Variants in NELL1 observed in about 807,000 individuals in gnomAD.
NELL1 encodes the protein protein kinase C-binding protein NELL1.
A neutral mutation model predicts 107.4 loss-of-function variants in NELL1; 76 were observed. That is an observed-to-expected ratio of 0.71 (90% CI 0.59 to 0.86). The LOEUF is 0.86. NELL1 is among the 40% of genes least tolerant of loss of function. The pLI is 0.00. For missense variants in NELL1, 1,024 were observed against 1,005.5 expected, an observed-to-expected ratio of 1.02 and a Z score of -0.25; for synonymous variants, 353 against 341.2, an observed-to-expected ratio of 1.03 and a Z score of -0.38.
chr11:21,535,610 G>A (rs1311005123), intron 16 of NELL1, among the ~76,000 whole-genome samples: 1 of 152,092 alleles, frequency 6.6e-6, no homozygotes, highest in Non-Finnish European at 1.5e-5. Context: ...ATGGACTTTT[G>A]GACCAGATGT....
intron 15 of NELL1, among the ~76,000 whole-genome samples, chr11:21,510,472 T>C (rs1021923422): frequency 1.3e-5 from 2 of 152,158 alleles, no homozygotes; most frequent in African/African-American, 4.8e-5. Context: ...CTTTCCTCTC[T>C]CATGCATTCT....
At chr11:21,517,724 A>C (rs1855603421) in intron 15 of NELL1, among the ~76,000 whole-genome samples, 1 of 152,194 alleles carries the variant, frequency 6.6e-6, no homozygotes, top group Non-Finnish European at 1.5e-5. Context: ...ATATACAGCA[A>C]ATGGTCATGG....
chr11:21,276,285 C>A (rs1034094453), intron 14 of NELL1, among the ~76,000 whole-genome samples: 2 of 152,152 alleles, frequency 1.3e-5, no homozygotes, highest in Non-Finnish European at 2.9e-5. Context: ...CATGAGTGAA[C>A]TCCCATTCAC....
At chr11:20,992,756 C>T (rs1414619028) in intron 12 of NELL1, among the ~76,000 whole-genome samples, 4 of 136,610 alleles carry the variant, frequency 2.9e-5, no homozygotes, top group African/African-American at 8.3e-5. Context: ...CTCCTGTTAC[C>T]GAGGCTGGAG....
At chr11:20,862,604 G>A (rs1252790650) in intron 4 of NELL1, among the ~76,000 whole-genome samples, 1 of 53,668 alleles carries the variant, frequency 1.9e-5, no homozygotes, top group African/African-American at 5.4e-5. Context: ...TTGAGCTGCT[G>A]CTTTTTTTTT....
chr11:20,696,844 GA>G (rs1297218217), intron 2 of NELL1, among the ~76,000 whole-genome samples: 3 of 152,144 alleles, frequency 2.0e-5, no homozygotes, highest in African/African-American at 7.2e-5. Flanking sequence ...CACGTGGTTG[GA>G]GAGGATTTAC....
chr11:20,719,916 CT>C (rs1197379297), intron 2 of NELL1, among the ~76,000 whole-genome samples: 1 of 152,108 alleles, frequency 6.6e-6, no homozygotes. Context: ...AGTCACTTTT[CT>C]TTATCTCGTC....
intron 14 of NELL1, among the ~76,000 whole-genome samples, chr11:21,321,584 T>A (rs1420741200): frequency 6.6e-6 from 1 of 152,244 alleles, no homozygotes; most frequent in Non-Finnish European, 1.5e-5. Flanking sequence ...TGATATTTGC[T>A]ACGTGCTGAA....
At chr11:21,385,681 A>C (rs1851729159) in intron 15 of NELL1, among the ~76,000 whole-genome samples, 1 of 151,980 alleles carries the variant, frequency 6.6e-6, no homozygotes, top group African/African-American at 2.4e-5. Flanking sequence ...TAAAATATAA[A>C]TATAATCAAA....
At chr11:21,226,256 AGTAT>A (rs1379600218) in intron 13 of NELL1, among the ~76,000 whole-genome samples, 1 of 152,180 alleles carries the variant, frequency 6.6e-6, no homozygotes, top group Non-Finnish European at 1.5e-5. Context: ...ATTCTCAGTA[AGTAT>A]GTAGGAGATC....
Position 21,294,753 on chromosome 11 carries a change from C to T in NELL1, c.1549+65299C>T, listed in dbSNP as rs569134844. Among the ~76,000 whole-genome samples, 5 of 151,958 alleles carry T rather than the reference C, an allele frequency of 3.3e-5. No homozygotes were observed. The South Asian group carries it at 8.3e-4, about 25-fold the overall frequency. ...AAGTCAAAGGGTTTGGCTCTAAAACCCAAGGATTTAAATGGTCATGAGTGT... is the reference window on the plus strand; with the variant it reads ...AAGTCAAAGGGTTTGGCTCTAAAACTCAAGGATTTAAATGGTCATGAGTGT... On this transcript the variant is annotated intron_variant, in intron 14 of 19. Transcript: ENST00000357134.
chr11:20,780,848 TGCTCCTCTA>T (rs1856837154), intron 2 of NELL1, among the ~76,000 whole-genome samples: 1 of 151,972 alleles, frequency 6.6e-6, no homozygotes, highest in South Asian at 2.1e-4. Flanking sequence ...GGGCCTGGTG[TGCTCCTCTA>T]GTAACCAAGG....
At chr11:21,342,411 T>TGG (rs57914880) in intron 14 of NELL1, among the ~76,000 whole-genome samples, 2,078 of 73,752 alleles carry the variant, frequency 0.028, 40 homozygotes, top group Middle Eastern at 0.036. Flanking sequence ...GAGGCTTAAG[T>TGG]GGGGGGGGGG....
At chr11:21,037,294 G>T (rs1853116882) in intron 12 of NELL1, among the ~76,000 whole-genome samples, 1 of 152,018 alleles carries the variant, frequency 6.6e-6, no homozygotes, top group Admixed American at 6.6e-5. Context: ...AGAGAGCTTT[G>T]CTTTGGCTTC....
chr11:20,945,243 G>A (rs1850938567), intron 10 of NELL1, among the ~76,000 whole-genome samples: 1 of 152,168 alleles, frequency 6.6e-6, no homozygotes, highest in Non-Finnish European at 1.5e-5. Flanking sequence ...ACTGAGAAGA[G>A]GTACAATTTT....
chr11:21,445,311 C>T (rs1269922546), intron 15 of NELL1, among the ~76,000 whole-genome samples: 1 of 150,562 alleles, frequency 6.6e-6, no homozygotes, highest in Admixed American at 6.6e-5. Flanking sequence ...TGTTTTTGTT[C>T]TTGTTTTTGT....
intron 4 of NELL1, among the ~76,000 whole-genome samples, chr11:20,854,439 G>A (rs1848844080): frequency 6.6e-6 from 1 of 152,088 alleles, no homozygotes; most frequent in South Asian, 2.1e-4. Context: ...AACTTAGCTT[G>A]TCCTTTTCAA....
Position 21,191,645 on chromosome 11 carries a change from A to C in NELL1, c.1427-37687A>C, listed in dbSNP as rs566801470. On this transcript the variant is annotated intron_variant, in intron 13 of 19. Coordinates refer to ENST00000357134, the MANE Select transcript of NELL1 (RefSeq NM_006157.5). ...CATTTTGTAAAATAAGGATTATAAC[A>C]GCACTTTCCTCCTATGGAGATTGTT... Among the ~76,000 whole-genome samples, 163 of 152,044 alleles carry C rather than the reference A, an allele frequency of 1.1e-3. 4 individuals carry two copies. Among genetic ancestry groups the C allele is most frequent in the African/African-American group, 3.9e-3 (160 of 41,304 alleles).
Position 21,488,394 on chromosome 11 carries a change from G to C in NELL1, c.1646-45980G>C, listed in dbSNP as rs190736380. Among the ~76,000 whole-genome samples the C allele has an allele frequency of 8.9e-4, 135 of 152,076 alleles. 1 individual carries two copies. In the East Asian group the frequency reaches 0.023, roughly 26 times the overall value. ...ATGTAGATATGTTGTTGGTGGGTGG[G>C]GCCTTCAGCTTTGATTCTGGATTTG... is the stretch of plus-strand genomic sequence containing the variant. On this transcript the variant is annotated intron_variant, in intron 15 of 19. Transcript: ENST00000357134.
Sources: allele counts gnomAD v4.1 joint callset (sites outside exome capture counted in the v4.1 genomes callset), GRCh38; gene constraint gnomAD v4.1.1; transcripts MANE v1.5; gene names NCBI Gene and HGNC (gene_info 2026-07-23, HGNC 2026-07-21).